CSMD2: variants seen among roughly 807,000 people sequenced by gnomAD.
CSMD2 encodes CUB and sushi domain-containing protein 2.
Under a neutral mutation model 398.5 loss-of-function variants are expected in CSMD2, and 130 were observed. The ratio of observed to expected loss-of-function variants is 0.33; its 90% CI spans 0.28 to 0.38. CSMD2 has a LOEUF of 0.38. Among genes scored for constraint, CSMD2 ranks in the 10% least tolerant of loss-of-function variants. The pLI is 1.00. For synonymous variants in CSMD2, 1,828 were observed against 1,908.5 expected (o/e 0.96, Z 1.10); for missense variants, 3,829 against 4,764.9 (o/e 0.80, Z 5.78).
In CSMD2 at chr1:33,911,855, G is replaced by A. The variant is rs534938956; in HGVS notation, c.920+6239C>T. ...AGAGCCCCGGGGTGGGTGCATGCTGGACAGCATCTTCCTTAGAGAATTTCT... is the reference window on the plus strand; with the variant it reads ...AGAGCCCCGGGGTGGGTGCATGCTGAACAGCATCTTCCTTAGAGAATTTCT... On this transcript the variant is annotated intron_variant, in intron 5 of 70. Coordinates refer to ENST00000373381, the MANE Select transcript of CSMD2 (RefSeq NM_001281956.2). 2.0e-5 allele frequency among the ~76,000 whole-genome samples: 3 copies of A among 152,312 alleles called. No homozygotes were observed. The South Asian group carries it at 6.2e-4, about 32-fold the overall frequency.
intron 66 of CSMD2, among the ~76,000 whole-genome samples, 189 bp from the exon 67 acceptor site, chr1:33,523,608 T>C (rs1654505887): frequency 6.6e-6 from 1 of 152,228 alleles, no homozygotes; most frequent in African/African-American, 2.4e-5. Context: ...AACGTGGTTA[T>C]ATGCAAGAAT....
chr1:33,521,079 C>T (rs1325924483), intron 68 of CSMD2, among the ~76,000 whole-genome samples: 1 of 152,186 alleles, frequency 6.6e-6, no homozygotes, highest in Non-Finnish European at 1.5e-5. Flanking sequence ...GCAGAAACGA[C>T]ATCACAGTCA....
At chr1:34,038,740 G>C (rs182986296) in intron 2 of CSMD2, among the ~76,000 whole-genome samples, 1 of 152,192 alleles carries the variant, frequency 6.6e-6, no homozygotes, top group Admixed American at 6.5e-5. Flanking sequence ...AAAGGAAGTG[G>C]TCAGCCCAAA....
At chr1:33,732,055 G>A (rs1158085022) in intron 15 of CSMD2, among the ~76,000 whole-genome samples, 1 of 152,120 alleles carries the variant, frequency 6.6e-6, no homozygotes, top group Admixed American at 6.5e-5. Context: ...GTATATGTTT[G>A]AAATTTTTCA....
chr1:33,800,138 C>T (rs1233595452), intron 10 of CSMD2, among the ~76,000 whole-genome samples: 2 of 152,218 alleles, frequency 1.3e-5, no homozygotes, highest in South Asian at 2.1e-4. Flanking sequence ...CTGACCTTGG[C>T]CCACCCAGCC....
chr1:33,549,842 G>A (rs1657264603), intron 56 of CSMD2, among the ~76,000 whole-genome samples: 1 of 152,176 alleles, frequency 6.6e-6, no homozygotes, highest in Non-Finnish European at 1.5e-5. Context: ...CTGATCAACA[G>A]GAAGACTTGA....
intron 32 of CSMD2, among the ~76,000 whole-genome samples, chr1:33,628,275 T>C (rs1642248378): frequency 6.6e-6 from 1 of 151,098 alleles, no homozygotes. Context: ...GAGATTAAAA[T>C]AACGAGAGAA....
chr1:34,022,086 G>C (rs865963330), intron 3 of CSMD2, among the ~76,000 whole-genome samples: 39 of 152,110 alleles, frequency 2.6e-4, no homozygotes, highest in Admixed American at 2.6e-3. Flanking sequence ...TTTCTTGCCT[G>C]GGCCTTTCAC....
At chr1:34,146,158 C>T (rs887031579) in intron 1 of CSMD2, among the ~76,000 whole-genome samples, 9 of 152,240 alleles carry the variant, frequency 5.9e-5, no homozygotes, top group Middle Eastern at 3.4e-3. Flanking sequence ...CTCAGCCTCC[C>T]GAGTCACCAG....
At chr1:33,986,201 A>G (rs1570722042) in intron 3 of CSMD2, among the ~76,000 whole-genome samples, 1 of 151,796 alleles carries the variant, frequency 6.6e-6, no homozygotes, top group East Asian at 1.9e-4. Context: ...GAAGCTTTCC[A>G]CTCAGCTCCG....
At chr1:34,110,117 A>G (rs1290720633) in intron 1 of CSMD2, among the ~76,000 whole-genome samples, 1 of 151,856 alleles carries the variant, frequency 6.6e-6, no homozygotes, top group African/African-American at 2.4e-5. Context: ...TGATCATTAG[A>G]GAAATGCAAA....
intron 25 of CSMD2, among the ~76,000 whole-genome samples, chr1:33,663,685 C>T (rs1644218027): frequency 6.6e-6 from 1 of 152,120 alleles, no homozygotes; most frequent in Non-Finnish European, 1.5e-5. Flanking sequence ...GGGAGTCTCC[C>T]TGTGTGGGGG....
At position 34,044,135 on chromosome 1, in the gene CSMD2, C is replaced by T. The variant is rs1384955319; in HGVS notation, c.405-11429G>A. On this transcript the variant is annotated intron_variant, in intron 2 of 70. Coordinates refer to ENST00000373381, the MANE Select transcript of CSMD2 (RefSeq NM_001281956.2). ...ATCCTATGAGTCCTAATAAATCATG[C>T]GGGTGGTGATGCAGACCCCCCAACA... is the stretch of plus-strand genomic sequence containing the variant. Among the ~76,000 whole-genome samples the T allele has an allele frequency of 2.6e-5, 4 of 152,030 alleles. No individual in the cohort carries two copies. In the East Asian group the frequency reaches 5.8e-4, roughly 22 times the overall value.
Position 33,714,815 on chromosome 1 carries a change from G to A in CSMD2, c.3218-40C>T, listed in dbSNP as rs149674798. On this transcript the variant is annotated intron_variant, in intron 20 of 70. Transcript: ENST00000373381. ...GGAGATCCGGGCTCAGAGACATTGCGGGGAGACACAAAGCAAAAAGATGGG... is the reference window on the plus strand; with the variant it reads ...GGAGATCCGGGCTCAGAGACATTGCAGGGAGACACAAAGCAAAAAGATGGG... 6.6e-4 allele frequency: 1,055 copies of A among 1,601,190 alleles called. 3 individuals are homozygous for A. The African/African-American group carries it at 0.012, about 17-fold the overall frequency.
intron 53 of CSMD2, 45 bp downstream of exon 53, chr1:33,567,548 T>G: frequency 6.2e-7 from 1 of 1,604,596 alleles, no homozygotes; most frequent in South Asian, 1.1e-5. Flanking sequence ...AAAGTCCATG[T>G]TGAATCTGAG....
At position 33,514,392 on chromosome 1, in the gene CSMD2, G is replaced by T. The variant is rs986755133; in HGVS notation, c.*2232C>A. 1.8e-4 allele frequency: 27 copies of T among 150,618 alleles called. No homozygotes were observed. The highest frequency in any genetic ancestry group is 3.4e-4 in the Non-Finnish European group (23 of 67,712). 9.3% of individuals were successfully genotyped at this position (150,618 alleles called of 1,614,324 possible). ...CTTTTTTTTTTTTCCTCATGGGATG[G>T]TGATGGGTATATGGCGTAGATGGTG... On this transcript the variant is annotated 3_prime_UTR_variant, in exon 71 of 71. Coordinates refer to ENST00000373381, the MANE Select transcript of CSMD2 (RefSeq NM_001281956.2).
rs1156570119 is a variant in CSMD2 at position 33,743,377 on chromosome 1, C to G, written c.2076G>C (p.Gln692His). ...APVLGTFSGN[Q>H]LPSSITSSGH... ...CACTGCTTGTGATGGAGGAGGGAAG[C>G]TGGTTTCCTGAGAAGGTGCCCAGGA... is the stretch of plus-strand genomic sequence containing the variant. The change falls in exon 14 of 71, where the codon CAG becomes CAC. Residue 692 changes from glutamine to histidine, a missense_variant. Gln to His is a conservative substitution (Grantham distance 24). Coordinates refer to ENST00000373381, the MANE Select transcript of CSMD2 (RefSeq NM_001281956.2). The G allele has an allele frequency of 6.2e-7, 1 of 1,614,176 alleles. No homozygotes were observed. Among genetic ancestry groups the G allele is most frequent in the South Asian group, 1.1e-5 (1 of 91,082 alleles).
At chr1:34,154,576 G>A (rs182780100) in intron 1 of CSMD2, among the ~76,000 whole-genome samples, 3 of 152,224 alleles carry the variant, frequency 2.0e-5, no homozygotes, top group Non-Finnish European at 4.4e-5. Flanking sequence ...CCACTGACTA[G>A]GTACACTCAA....
intron 13 of CSMD2, among the ~76,000 whole-genome samples, chr1:33,750,958 A>G (rs1267292502): frequency 6.6e-6 from 1 of 152,228 alleles, no homozygotes; most frequent in African/African-American, 2.4e-5. Context: ...ATCACCATAA[A>G]CAAAAGCTGA....
Sources: allele counts gnomAD v4.1 joint callset (sites outside exome capture counted in the v4.1 genomes callset), GRCh38; gene constraint gnomAD v4.1.1; transcripts MANE v1.5; gene names NCBI Gene and HGNC (gene_info 2026-07-23, HGNC 2026-07-21).